CUBN: variants seen among roughly 807,000 people sequenced by gnomAD.
CUBN encodes cubilin, also known as 460 kDa receptor.
Under a neutral mutation model 405.3 loss-of-function variants are expected in CUBN, and 282 were observed. The observed-to-expected ratio is 0.70, with a 90% CI of 0.63 to 0.77. The LOEUF (loss-of-function observed/expected upper bound fraction) is 0.77. Ranked by LOEUF, CUBN falls within the 30% of genes least tolerant of loss-of-function variation. CUBN has a pLI of 0.00. For missense variants in CUBN, 4,514 were observed against 4,475.2 expected (o/e 1.01, Z -0.25); for synonymous variants, 1,684 against 1,617.0 (o/e 1.04, Z -0.99).
chr10:16,839,043 C>T (rs1239258197), intron 62 of CUBN, among the ~76,000 whole-genome samples: 1 of 152,176 alleles, frequency 6.6e-6, no homozygotes, highest in East Asian at 1.9e-4. Context: ...TGTACTGACC[C>T]TTTCAATTCA....
At position 16,954,512 on chromosome 10, in the gene CUBN, C is replaced by A. The variant is rs1229064818; in HGVS notation, c.4732G>T (p.Ala1578Ser). ...AGCTGCTCCCTTCCACACGTCCTGGCAAGGCGGGACATTGTGGAGCTTAAG... is the reference window on the plus strand; with the variant it reads ...AGCTGCTCCCTTCCACACGTCCTGGAAAGGCGGGACATTGTGGAGCTTAAG... ...DGLSSTMSRL[A>S]RTCGREQLAN... The change falls in exon 32 of 67, where the codon GCC (alanine) becomes TCC (serine). Residue 1578 changes from alanine to serine, a missense_variant. Physicochemically the swap from Ala to Ser is moderately conservative, Grantham distance 99. Coordinates refer to ENST00000377833, the MANE Select transcript of CUBN (RefSeq NM_001081.4). 3.1e-6 allele frequency: 5 copies of A among 1,613,828 alleles called. No homozygotes were observed. The highest frequency in any genetic ancestry group is 4.2e-6 in the Non-Finnish European group (5 of 1,180,000).
At chr10:17,005,664 T>C (rs1281251528) in intron 28 of CUBN, among the ~76,000 whole-genome samples, 2 of 152,230 alleles carry the variant, frequency 1.3e-5, no homozygotes, top group Non-Finnish European at 2.9e-5. Context: ...GCTATTTTTT[T>C]CTGTGTTCCC....
intron 13 of CUBN, 36 bp downstream of exon 13, chr10:17,103,089 T>A: frequency 9.1e-7 from 1 of 1,094,428 alleles, no homozygotes; most frequent in Non-Finnish European, 1.4e-6. Context: ...TATATACAAA[T>A]ATAATATGCA....
intron 22 of CUBN, among the ~76,000 whole-genome samples, chr10:17,049,857 G>A (rs1031295948): frequency 6.6e-6 from 1 of 152,106 alleles, no homozygotes; most frequent in African/African-American, 2.4e-5. Flanking sequence ...ATAGCAATTT[G>A]AACCCCAAAC....
intron 47 of CUBN, among the ~76,000 whole-genome samples, chr10:16,914,812 C>T (rs1401953491): frequency 6.6e-6 from 1 of 152,180 alleles, no homozygotes; most frequent in Non-Finnish European, 1.5e-5. Flanking sequence ...CAGTATAACT[C>T]TCATCCTCTT....
intron 14 of CUBN, among the ~76,000 whole-genome samples, chr10:17,091,937 T>G (rs1836267621): frequency 6.6e-6 from 1 of 152,214 alleles, no homozygotes; most frequent in African/African-American, 2.4e-5. Flanking sequence ...GTAGCCATTC[T>G]TCATTCTTTC....
At chr10:17,063,104 C>G (rs1349108996) in intron 22 of CUBN, among the ~76,000 whole-genome samples, 1 of 152,178 alleles carries the variant, frequency 6.6e-6, no homozygotes, top group Non-Finnish European at 1.5e-5. Context: ...TCTCCTGACA[C>G]CAGCCCTTCC....
chr10:17,028,390 C>A (rs2131800525), intron 27 of CUBN, among the ~76,000 whole-genome samples: 1 of 151,978 alleles, frequency 6.6e-6, no homozygotes, highest in South Asian at 2.1e-4. Flanking sequence ...TCCGGGCTCT[C>A]CCTGAAGACA....
Position 16,900,818 on chromosome 10 carries a change from A to G in CUBN, c.8217T>C (p.His2739=), listed in dbSNP as rs1841340072. Residue 2739 remains histidine (H), a synonymous_variant, in exon 53 of 67, where the codon CAT becomes CAC. Transcript: ENST00000377833. ...LTFSDFDIEP[H]TTCAWDSVTV... ...TGACAGAGTCCCAAGCACAAGTTGT[A>G]TGGGGTTCAATATCAAAGTCACTAA... 1 of 1,613,952 alleles carries G rather than the reference A, an allele frequency of 6.2e-7. No homozygotes were observed. Among genetic ancestry groups the G allele is most frequent in the Admixed American group, 1.7e-5 (1 of 60,004 alleles).
intron 41 of CUBN, among the ~76,000 whole-genome samples, chr10:16,926,188 C>A (rs1443509589): frequency 1.3e-5 from 2 of 152,038 alleles, no homozygotes; most frequent in African/African-American, 4.8e-5. Flanking sequence ...TTAGCAGAGA[C>A]ATGAATGAAA....
chr10:17,129,301 T>C (rs749665617), intron 1 of CUBN, 51 bp from the exon 2 acceptor site: 1 of 1,587,484 alleles, frequency 6.3e-7, no homozygotes, highest in South Asian at 1.1e-5. Context: ...GTACAATTTT[T>C]AAACCAAAAT....
At chr10:17,110,794 A>G in intron 9 of CUBN, 125 bp downstream of exon 9, 1 of 1,425,888 alleles carries the variant, frequency 7.0e-7, no homozygotes. Context: ...AAGTGCTGGG[A>G]TTACAGGCAT....
intron 41 of CUBN, among the ~76,000 whole-genome samples, chr10:16,927,422 A>G (rs1171899145): frequency 1.3e-5 from 2 of 152,230 alleles, no homozygotes; most frequent in Non-Finnish European, 2.9e-5. Context: ...CTTGAGCGTG[A>G]GGAACACAAC....
chr10:17,016,139 G>A (rs1834322050), intron 28 of CUBN, among the ~76,000 whole-genome samples: 2 of 151,846 alleles, frequency 1.3e-5, no homozygotes, highest in Non-Finnish European at 2.9e-5. Flanking sequence ...TGACAGGGGA[G>A]TATATTTTCT....
Position 16,829,342 on chromosome 10 carries a change from G to GA in CUBN, c.10529-303dup, listed in dbSNP as rs71287326. Among the ~76,000 whole-genome samples the GA allele has an allele frequency of 0.045, 5,438 of 121,014 alleles. 418 individuals are homozygous for GA. Among genetic ancestry groups the GA allele is most frequent in the African/African-American group, 0.15 (4,773 of 32,600 alleles). 79.4% of individuals were successfully genotyped at this position (121,014 alleles called of 152,430 possible). Reference sequence around the variant, plus strand: ...AAAATTGGGGGTTGAGAGCAGAATGGAAAAAAAAAAAAAAAACAAACTTGA... The same window carrying GA: ...AAAATTGGGGGTTGAGAGCAGAATGGAAAAAAAAAAAAAAAAACAAACTTGA... On this transcript the variant is annotated intron_variant, in intron 65 of 66. Coordinates refer to ENST00000377833, the MANE Select transcript of CUBN (RefSeq NM_001081.4).
intron 66 of CUBN, among the ~76,000 whole-genome samples, chr10:16,825,529 T>C (rs1838748769): frequency 6.6e-6 from 1 of 152,212 alleles, no homozygotes; most frequent in Non-Finnish European, 1.5e-5. Flanking sequence ...AACAAACATA[T>C]ATAATTAAAA....
At chr10:17,054,331 CA>C (rs60899709) in intron 22 of CUBN, among the ~76,000 whole-genome samples, 11 of 131,252 alleles carry the variant, frequency 8.4e-5, no homozygotes, top group Non-Finnish European at 1.6e-4. Flanking sequence ...AACTCCGTCT[CA>C]AAAAAAAAAA....
rs1842937852 is a variant in CUBN at position 16,952,188 on chromosome 10, A to C, written c.4969+88T>G. The C allele has an allele frequency of 1.8e-5, 16 of 892,558 alleles. No individual in the cohort carries two copies. The South Asian group carries it at 2.1e-4, about 12-fold the overall frequency. 55.3% of individuals were successfully genotyped at this position (892,558 alleles called of 1,614,324 possible). ...AAGAGGAAGGCCATCGATTGTTAGCACTGAGATAAGAAGGTTACTCATAGA... is the reference window on the plus strand; with the variant it reads ...AAGAGGAAGGCCATCGATTGTTAGCCCTGAGATAAGAAGGTTACTCATAGA... On this transcript the variant is annotated intron_variant, in intron 33 of 66. Coordinates refer to ENST00000377833, the MANE Select transcript of CUBN (RefSeq NM_001081.4).
At chr10:16,952,889 C>G (rs1299362426) in intron 32 of CUBN, among the ~76,000 whole-genome samples, 1 of 152,056 alleles carries the variant, frequency 6.6e-6, no homozygotes, top group Non-Finnish European at 1.5e-5. Context: ...GAGGAGGAGG[C>G]CGAGGCTAAA....
Sources: gnomAD v4.1 joint callset for allele counts (sites outside exome capture counted in the v4.1 genomes callset) on GRCh38, gnomAD v4.1.1 for gene constraint, MANE v1.5 for transcripts, NCBI Gene and HGNC (gene_info 2026-07-23, HGNC 2026-07-21) for gene names.